The following INVS variants were observed in gnomAD, a reference collection of about 807,000 sequenced individuals.
The protein encoded by INVS is inversin.
A neutral mutation model predicts 108.8 loss-of-function variants in INVS; 86 were observed. That is an observed-to-expected ratio of 0.79 (90% CI 0.66 to 0.95). The LOEUF (loss-of-function observed/expected upper bound fraction) is 0.95. INVS is among the 40% of genes least tolerant of loss of function. INVS has a pLI of 0.00. For missense variants in INVS, 1,169 were observed against 1,297.4 expected (o/e 0.90, Z 1.52); for synonymous variants, 455 against 473.5 (o/e 0.96, Z 0.51).
chr9:100,172,627 C>T (rs1050048907), intron 3 of INVS, among the ~76,000 whole-genome samples: 5 of 152,118 alleles, frequency 3.3e-5, no homozygotes, highest in Admixed American at 2.0e-4. Flanking sequence ...AGAGGTTCAG[C>T]AGGAGGGGAC....
At chr9:100,213,194 A>G (rs1277516754) in intron 3 of INVS, among the ~76,000 whole-genome samples, 1 of 111,676 alleles carries the variant, frequency 9.0e-6, no homozygotes, top group South Asian at 3.3e-4. Flanking sequence ...ATTTCAACAC[A>G]TGAATTGGGG....
intron 3 of INVS, among the ~76,000 whole-genome samples, chr9:100,138,665 A>C (rs1828313852): frequency 6.9e-6 from 1 of 144,974 alleles, no homozygotes; most frequent in Admixed American, 6.9e-5. Flanking sequence ...ATTGATTTCG[A>C]CTTTTGTTTT....
chr9:100,157,779 T>A (rs7025271), intron 3 of INVS, among the ~76,000 whole-genome samples: 8 of 152,044 alleles, frequency 5.3e-5, no homozygotes, highest in Non-Finnish European at 1.2e-4. Flanking sequence ...TTACATGTTT[T>A]ATTTTCTTTG....
intron 1 of INVS, among the ~76,000 whole-genome samples, chr9:100,100,837 T>TATA (rs1264794485): frequency 2.2e-4 from 2 of 9,070 alleles, no homozygotes; most frequent in East Asian, 9.4e-3. Flanking sequence ...GTATATATAA[T>TATA]ATATATATAA....
Position 100,246,481 on chromosome 9 carries a change from G to C in INVS, c.907-135G>C, listed in dbSNP as rs1832052414. 7.6e-6 allele frequency: 5 copies of C among 658,568 alleles called. No homozygotes were observed. The East Asian group carries it at 1.1e-4, about 14-fold the overall frequency. 40.8% of individuals were successfully genotyped at this position (658,568 alleles called of 1,614,324 possible). A position where few individuals can be genotyped will look rare whatever the true frequency, so the allele number is the denominator to read the frequency against. On this transcript the variant is annotated intron_variant, in intron 7 of 16. Coordinates refer to ENST00000262457, the MANE Select transcript of INVS (RefSeq NM_014425.5). The stretch of plus-strand genomic sequence containing the variant: ...ATTGTAGTTCTGTCATTAATAAAAA[G>C]ATAATTTAATTTGATTCAAAAGCAA...
At chr9:100,249,358 G>A (rs1020621519) in intron 8 of INVS, among the ~76,000 whole-genome samples, 2 of 151,944 alleles carry the variant, frequency 1.3e-5, no homozygotes, top group Admixed American at 6.6e-5. Flanking sequence ...CTGTGGTGTG[G>A]CATCAAGTAT....
At chr9:100,244,320 A>G (rs959904047) in intron 7 of INVS, among the ~76,000 whole-genome samples, 4 of 152,170 alleles carry the variant, frequency 2.6e-5, no homozygotes, top group Non-Finnish European at 5.9e-5. Context: ...TAGTCAATCT[A>G]TGGAAATCAC....
chr9:100,174,684 A>T (rs1207491219), intron 3 of INVS, among the ~76,000 whole-genome samples: 2 of 152,136 alleles, frequency 1.3e-5, no homozygotes, highest in African/African-American at 4.8e-5. Context: ...AGGCTGAGGC[A>T]GGCAGACCAC....
chr9:100,299,895 T>C (rs1203498653), intron 16 of INVS, among the ~76,000 whole-genome samples: 1 of 152,128 alleles, frequency 6.6e-6, no homozygotes, highest in East Asian at 1.9e-4. Flanking sequence ...TTTGTGGAAG[T>C]TATAAAACCA....
At chr9:100,147,958 G>A (rs1280584345) in intron 3 of INVS, among the ~76,000 whole-genome samples, 1 of 151,352 alleles carries the variant, frequency 6.6e-6, no homozygotes, top group African/African-American at 2.4e-5. Flanking sequence ...CCAAAACAGG[G>A]GGATTGCTTG....
chr9:100,271,015 A>G (rs539880972), intron 11 of INVS, among the ~76,000 whole-genome samples: 2 of 152,294 alleles, frequency 1.3e-5, no homozygotes, highest in East Asian at 3.9e-4. Context: ...TATGACAATA[A>G]TATTCATCGT....
chr9:100,104,481 C>A lies in INVS; in HGVS notation c.-24-17C>A. 1 of 1,406,856 alleles carries A rather than the reference C, an allele frequency of 7.1e-7. No individual in the cohort carries two copies. The highest frequency in any genetic ancestry group is 1.2e-5 in the South Asian group (1 of 86,762). 87.1% of individuals were successfully genotyped at this position (1,406,856 alleles called of 1,614,324 possible). A position where few individuals can be genotyped will look rare whatever the true frequency, so the allele number is the denominator to read the frequency against. On this transcript the variant is annotated splice_polypyrimidine_tract_variant and intron_variant, in intron 1 of 16. Transcript: ENST00000262457. Reference sequence around the variant, plus strand: ...AATGTTTGCTGCATGCGCTCATTGTCTGAATCATTGTTTCAGGTTGCTCCG... The same window carrying A: ...AATGTTTGCTGCATGCGCTCATTGTATGAATCATTGTTTCAGGTTGCTCCG...
Position 100,224,710 on chromosome 9 carries a change from G to A in INVS, c.274-1352G>A, listed in dbSNP as rs182495808. ...CTGCTCACTGCAACCTCTGCCTCCCGGGTTCAAGCAAGTCTCTGCCTCAGC... is the reference window on the plus strand; with the variant it reads ...CTGCTCACTGCAACCTCTGCCTCCCAGGTTCAAGCAAGTCTCTGCCTCAGC... On this transcript the variant is annotated intron_variant, in intron 3 of 16. Transcript: ENST00000262457. 5.3e-5 allele frequency among the ~76,000 whole-genome samples: 8 copies of A among 151,794 alleles called. No homozygotes were observed. In the East Asian group the frequency reaches 9.7e-4, roughly 18 times the overall value.
intron 3 of INVS, chr9:100,129,911 A>G (rs1241382792): frequency 4.4e-6 from 2 of 452,870 alleles, no homozygotes; most frequent in Non-Finnish European, 8.1e-6. Context: ...CCTGGAGAGG[A>G]GGGAATTGCA....
intron 10 of INVS, among the ~76,000 whole-genome samples, chr9:100,260,186 CTT>C (rs372496395): frequency 3.6e-4 from 37 of 101,498 alleles, no homozygotes; most frequent in African/African-American, 9.9e-4. Flanking sequence ...ATTTTCTTTT[CTT>C]TTTTTTTTTT....
Position 100,297,999 on chromosome 9 carries a change from G to A in INVS, c.3080G>A (p.Arg1027His), listed in dbSNP as rs774849762. 61 of 1,613,992 alleles carry A rather than the reference G, an allele frequency of 3.8e-5. No individual in the cohort carries two copies. Among genetic ancestry groups the A allele is most frequent in the Admixed American group, 8.3e-5 (5 of 60,012 alleles). ...TCTGTAAAAGCCTCTTCTGTGCTGC[G>A]TCTCAACTCAGGTAAGGCAGCCACT... ...TRSVKASSVL[R>H]LNSVSNLQCI... The change falls in exon 16 of 17, where the codon CGT becomes CAT. Residue 1027 changes from arginine (R) to histidine (H), a missense_variant. Arg to His is a conservative substitution (Grantham distance 29, BLOSUM62 0). Around this residue, in one of 3 missense-constraint regions of INVS, gnomAD observed 533 missense variants for 536.0 expected, o/e 0.99. Coordinates refer to ENST00000262457, the MANE Select transcript of INVS (RefSeq NM_014425.5).
intron 2 of INVS, among the ~76,000 whole-genome samples, chr9:100,111,390 C>G (rs1827333975): frequency 6.6e-6 from 1 of 152,236 alleles, no homozygotes; most frequent in Admixed American, 6.5e-5. Flanking sequence ...TATGCTTCCA[C>G]AAGCCTTAAA....
intron 2 of INVS, among the ~76,000 whole-genome samples, chr9:100,110,484 G>T (rs907039294): frequency 2.0e-5 from 3 of 152,266 alleles, no homozygotes; most frequent in Admixed American, 2.0e-4. Flanking sequence ...AAATAAATAG[G>T]AATGAGAAAG....
chr9:100,298,090 G>T (rs1481664241), intron 16 of INVS, 80 bp downstream of exon 16: 8 of 1,608,542 alleles, frequency 5.0e-6, no homozygotes, highest in Non-Finnish European at 6.8e-6. Flanking sequence ...AAAGACAGAA[G>T]ACATTAGAAC....
Sources: allele counts gnomAD v4.1 joint callset (sites outside exome capture counted in the v4.1 genomes callset), GRCh38; gene constraint gnomAD v4.1.1; regional missense constraint gnomAD v4.1.1; transcripts MANE v1.5; gene names NCBI Gene and HGNC (gene_info 2026-07-23, HGNC 2026-07-21).